SLC3A1: variants seen among roughly 807,000 people sequenced by gnomAD.
SLC3A1 encodes the protein solute carrier family 3 member 1.
SLC3A1 carries 78 observed loss-of-function variants against 60.3 expected under a neutral mutation model. The observed-to-expected ratio is 1.29, with a 90% CI of 1.08 to 1.56. The LOEUF is 1.56. SLC3A1 is among the 40% of genes most tolerant of loss of function. The pLI is 0.00. For synonymous variants in SLC3A1, 392 were observed against 307.9 expected, an observed-to-expected ratio of 1.27 and a Z score of -2.86; for missense variants, 1,172 against 858.9, an observed-to-expected ratio of 1.36 and a Z score of -4.56.
chr2:44,293,376 G>A (rs1054181024), intron 4 of SLC3A1, among the ~76,000 whole-genome samples: 1 of 152,052 alleles, frequency 6.6e-6, no homozygotes, highest in African/African-American at 2.4e-5. Context: ...AATTAGCCAG[G>A]CATGGTGGTG....
chr2:44,306,042 C>T (rs537677864), intron 7 of SLC3A1, among the ~76,000 whole-genome samples: 2 of 152,342 alleles, frequency 1.3e-5, no homozygotes, highest in Admixed American at 1.3e-4. Flanking sequence ...CGGTGCCCAC[C>T]TCACACGGAG....
rs747393981 is a variant in SLC3A1, at chr2:44,300,068, A to C, written c.989A>C (p.Gln330Pro). ...GCAAAGCACCTGAGAGATGAGATCC[A>C]AGTAAATAAGACCCAAATCCCGGTA... The part of the protein sequence containing the change: ...LEAKHLRDEI[Q>P]VNKTQIPDTV... Residue 330 changes from glutamine to proline, a missense_variant, in exon 5 of 10, where the codon CAA becomes CCA. Gln to Pro is a moderately conservative substitution (Grantham distance 76, BLOSUM62 -1). Coordinates refer to ENST00000260649, the MANE Select transcript of SLC3A1 (RefSeq NM_000341.4). 1.2e-6 allele frequency: 2 copies of C among 1,614,008 alleles called. No individual in the cohort carries two copies. The highest frequency in any genetic ancestry group is 4.5e-5 in the East Asian group (2 of 44,872).
chr2:44,317,401 G>A (rs1213421907), intron 9 of SLC3A1, among the ~76,000 whole-genome samples: 1 of 150,944 alleles, frequency 6.6e-6, no homozygotes, highest in Non-Finnish European at 1.5e-5. Flanking sequence ...TGTTGAGGCT[G>A]CAGTGAGCCA....
At chr2:44,312,361 T>C (rs142326329) in intron 7 of SLC3A1, among the ~76,000 whole-genome samples, 3 of 152,320 alleles carry the variant, frequency 2.0e-5, no homozygotes, top group East Asian at 1.9e-4. Flanking sequence ...TGCAATATCA[T>C]TGTACAATAA....
At chr2:44,300,928 C>T in intron 5 of SLC3A1, 75 bp from the exon 6 acceptor site, 1 of 1,589,058 alleles carries the variant, frequency 6.3e-7, no homozygotes, top group Non-Finnish European at 8.6e-7. Context: ...AAGAGGTTGT[C>T]TACATTCATA....
chr2:44,314,252 C>T, intron 9 of SLC3A1: 2 of 627,784 alleles, frequency 3.2e-6, no homozygotes, highest in Non-Finnish European at 5.4e-6. Context: ...TTTAGCTAGC[C>T]CAGCTGCCTT....
chr2:44,289,692 G>A (rs932280792), intron 4 of SLC3A1, among the ~76,000 whole-genome samples: 16 of 151,968 alleles, frequency 1.1e-4, no homozygotes, highest in African/African-American at 2.7e-4. Context: ...GTGCAGTGGC[G>A]CAATCTCAGC....
chr2:44,285,156 G>GA (rs1671584576), intron 3 of SLC3A1: 1 of 152,438 alleles, frequency 6.6e-6, no homozygotes. Flanking sequence ...TGCCCTGGTT[G>GA]TGTCCAGGTG....
rs1672864277 is a variant in SLC3A1, at chr2:44,320,704, C to T, written c.*65C>T. The T allele has an allele frequency of 1.7e-6, 2 of 1,167,628 alleles. No homozygotes were observed. The highest frequency in any genetic ancestry group is 2.6e-6 in the Non-Finnish European group (2 of 775,350). 72.3% of individuals were successfully genotyped at this position (1,167,628 alleles called of 1,614,324 possible). A position where few individuals can be genotyped will look rare whatever the true frequency, so the allele number is the denominator to read the frequency against. On this transcript the variant is annotated 3_prime_UTR_variant, in exon 10 of 10. Coordinates refer to ENST00000260649, the MANE Select transcript of SLC3A1 (RefSeq NM_000341.4). ...GGATTGTAAGCATTTGTAATAGCTT[C>T]ATGTACAGCATGCTGCTTGGTGAAC...
chr2:44,283,810 A>G (rs1053497505), intron 3 of SLC3A1, among the ~76,000 whole-genome samples: 1 of 150,070 alleles, frequency 6.7e-6, no homozygotes, highest in South Asian at 2.1e-4. Flanking sequence ...CTCTAAAAAA[A>G]TTATTTTTTA....
At chr2:44,294,790 C>T (rs536139769) in intron 4 of SLC3A1, among the ~76,000 whole-genome samples, 13 of 152,316 alleles carry the variant, frequency 8.5e-5, no homozygotes, top group African/African-American at 2.9e-4. Context: ...TCTCTTGCCT[C>T]TAAGTAGAGA....
At chr2:44,289,853 A>T (rs1572796505) in intron 4 of SLC3A1, among the ~76,000 whole-genome samples, 1 of 151,468 alleles carries the variant, frequency 6.6e-6, no homozygotes, top group African/African-American at 2.4e-5. Context: ...CTGGTCTCGA[A>T]CTCCTGACCT....
intron 7 of SLC3A1, among the ~76,000 whole-genome samples, chr2:44,307,514 CCTTT>C (rs997857227): frequency 1.3e-5 from 2 of 151,748 alleles, no homozygotes; most frequent in African/African-American, 4.8e-5. Context: ...TGATGGTCTG[CCTTT>C]CTGATGATGG....
chr2:44,275,920 AG>A lies in SLC3A1; in HGVS notation c.387del (p.Arg129SerfsTer14), dbSNP rs781286947. ...GGGGCCCATGTACCAGATCTACCCA[AG>A]GTCTTTCAAGGACAGTAACAAGGAT... ...QEGPMYQIYP[R>X]SFKDSNKDGN... On this transcript the variant is annotated frameshift_variant, in exon 1 of 10. Transcript: ENST00000260649. LOFTEE classifies it high-confidence loss of function. 5 of 1,614,138 alleles carry A rather than the reference AG, an allele frequency of 3.1e-6. No individual in the cohort carries two copies. The highest frequency in any genetic ancestry group is 4.2e-6 in the Non-Finnish European group (5 of 1,180,054).
intron 7 of SLC3A1, among the ~76,000 whole-genome samples, chr2:44,309,984 T>C (rs1672253668): frequency 6.6e-6 from 1 of 152,108 alleles, no homozygotes; most frequent in African/African-American, 2.4e-5. Context: ...CTTGACCTCC[T>C]GGGCTCAAGC....
At chr2:44,304,979 G>A (rs950154949) in intron 7 of SLC3A1, among the ~76,000 whole-genome samples, 1 of 151,876 alleles carries the variant, frequency 6.6e-6, no homozygotes, top group African/African-American at 2.4e-5. Flanking sequence ...ATGCCACCAT[G>A]GCTGGCTAAT....
chr2:44,298,534 T>C (rs894401518), intron 4 of SLC3A1, among the ~76,000 whole-genome samples: 2 of 152,196 alleles, frequency 1.3e-5, no homozygotes, highest in African/African-American at 4.8e-5. Flanking sequence ...CATGGCTCCA[T>C]GCCCAACTAA....
Position 44,275,565 on chromosome 2 carries a change from C to T in SLC3A1, c.30C>T (p.Ser10=). The T allele has an allele frequency of 6.2e-7, 1 of 1,614,118 alleles. No homozygotes were observed. The highest frequency in any genetic ancestry group is 8.5e-7 in the Non-Finnish European group (1 of 1,180,018). MAEDKSKRD[S]IEMSMKGCQT... Reference sequence around the variant, plus strand: ...CTGAAGATAAAAGCAAGAGAGACTCCATCGAGATGAGTATGAAGGGATGCC... The same window carrying T: ...CTGAAGATAAAAGCAAGAGAGACTCTATCGAGATGAGTATGAAGGGATGCC... Residue 10 remains serine (S), a synonymous_variant, in exon 1 of 10, where the codon TCC becomes TCT. Coordinates refer to ENST00000260649, the MANE Select transcript of SLC3A1 (RefSeq NM_000341.4).
chr2:44,292,200 G>A (rs1671754853), intron 4 of SLC3A1, among the ~76,000 whole-genome samples: 1 of 152,066 alleles, frequency 6.6e-6, no homozygotes, highest in Admixed American at 6.6e-5. Flanking sequence ...GGAATGCTGA[G>A]CCCCAGGGTA....
Sources: gnomAD v4.1 joint callset for allele counts (sites outside exome capture counted in the v4.1 genomes callset) on GRCh38, gnomAD v4.1.1 for gene constraint, MANE v1.5 for transcripts, NCBI Gene and HGNC (gene_info 2026-07-23, HGNC 2026-07-21) for gene names.